ABCA5: variants seen among roughly 807,000 people sequenced by gnomAD.
ABCA5 encodes cholesterol transporter ABCA5.
In ABCA5, 163 loss-of-function variants were observed where a neutral mutation model predicts 206.0. That is an observed-to-expected ratio of 0.79 (90% CI 0.70 to 0.90). The LOEUF is 0.90. ABCA5 is among the 40% of genes least tolerant of loss of function. ABCA5 has a pLI of 0.00. For missense variants in ABCA5, 1,859 were observed against 1,912.9 expected (o/e 0.97, Z 0.53); for synonymous variants, 609 against 613.8 (o/e 0.99, Z 0.11).
At chr17:69,251,913 T>TAA (rs201178598) in intron 34 of ABCA5, 47 bp from the exon 35 acceptor site, 5 of 1,558,280 alleles carry the variant, frequency 3.2e-6, no homozygotes, top group South Asian at 1.2e-5. Context: ...ATCTGTTTGT[T>TAA]AAAAAAAAAT....
chr17:69,252,521 G>C (rs970225392), intron 34 of ABCA5, among the ~76,000 whole-genome samples: 2 of 152,014 alleles, frequency 1.3e-5, no homozygotes, highest in African/African-American at 4.8e-5. Context: ...ACATTTTATA[G>C]ACATGGAAGT....
chr17:69,247,759 G>T, intron 38 of ABCA5, 115 bp from the exon 39 acceptor site: 1 of 523,652 alleles, frequency 1.9e-6, no homozygotes. Flanking sequence ...CAAGTATCAA[G>T]AGATTTATTA....
intron 20 of ABCA5, among the ~76,000 whole-genome samples, chr17:69,273,753 G>A (rs560847451): frequency 3.4e-4 from 51 of 152,098 alleles, no homozygotes; most frequent in African/African-American, 1.1e-3. Context: ...ATCGCACCTG[G>A]CCAAAACTGT....
chr17:69,276,174 C>T (rs1161009313), intron 19 of ABCA5, among the ~76,000 whole-genome samples: 4 of 152,174 alleles, frequency 2.6e-5, no homozygotes, highest in Non-Finnish European at 4.4e-5. Flanking sequence ...GCAACCTCCG[C>T]TTCCCGAGTT....
At chr17:69,320,368 G>GA (rs918834275) in intron 1 of ABCA5, among the ~76,000 whole-genome samples, 10 of 151,962 alleles carry the variant, frequency 6.6e-5, no homozygotes, top group Non-Finnish European at 1.2e-4. Flanking sequence ...AGGACAGAGA[G>GA]AAAAAAATGA....
Position 69,301,156 on chromosome 17 carries a change from A to G in ABCA5, c.1250T>C (p.Leu417Pro). 1 of 1,559,330 alleles carries G rather than the reference A, an allele frequency of 6.4e-7. No homozygotes were observed. Among genetic ancestry groups the G allele is most frequent in the Non-Finnish European group, 8.6e-7 (1 of 1,161,944 alleles). Residue 417 changes from leucine (L) to proline (P), a missense_variant, in exon 9 of 39, where the codon CTT (leucine) becomes CCT (proline). Leu to Pro is a moderately conservative substitution (Grantham distance 98). Transcript: ENST00000392676. The stretch of plus-strand genomic sequence containing the variant: ...CTGCATACCTGGAATGACTTGATCA[A>G]GATAGACAGCCAAGAGGACATAGAA... The part of the protein sequence containing the change: ...SIFYVLLAVY[L>P]DQVIPGEFGL...
In ABCA5 at chr17:69,245,860, A is replaced by T. The variant is rs1225162698; in HGVS notation, c.*1677T>A. The T allele has an allele frequency of 1.3e-5, 2 of 152,012 alleles. No individual in the cohort carries two copies. Among genetic ancestry groups the T allele is most frequent in the Non-Finnish European group, 2.9e-5 (2 of 67,854 alleles). The allele number at this position is 152,012 out of a possible 1,614,324, so 9.4% of individuals were successfully genotyped here. On this transcript the variant is annotated 3_prime_UTR_variant, in exon 39 of 39. Transcript: ENST00000392676. ...TAGTCATGCTCTATCTTCAGATGAC[A>T]TAACTTTCTTAGGATGGTCAGGTTC...
At chr17:69,295,138 T>A (rs1006391882) in intron 10 of ABCA5, among the ~76,000 whole-genome samples, 6 of 152,194 alleles carry the variant, frequency 3.9e-5, no homozygotes, top group African/African-American at 1.2e-4. Flanking sequence ...ATTATTATAC[T>A]GTATTTATCA....
At chr17:69,260,280 A>C in intron 27 of ABCA5, 58 bp downstream of exon 27, 1 of 1,319,634 alleles carries the variant, frequency 7.6e-7, no homozygotes, top group Admixed American at 2.2e-5. Context: ...AGTTAAAACC[A>C]TAGGACCAAA....
intron 36 of ABCA5, 105 bp downstream of exon 36, chr17:69,250,367 A>G: frequency 5.7e-6 from 5 of 870,236 alleles, no homozygotes; most frequent in African/African-American, 1.7e-5. Flanking sequence ...ATATATATAT[A>G]TGGTCTATGA....
intron 18 of ABCA5, among the ~76,000 whole-genome samples, chr17:69,281,693 C>A (rs1049333594): frequency 2.0e-5 from 3 of 152,178 alleles, no homozygotes; most frequent in African/African-American, 7.2e-5. Context: ...GTTAGCAATG[C>A]TGACAAATTA....
rs567984600 is a variant in ABCA5, at chr17:69,323,794, A to G, written c.-16+3258T>C. Among the ~76,000 whole-genome samples, 22 of 152,296 alleles carry G rather than the reference A, an allele frequency of 1.4e-4. No individual in the cohort carries two copies. The Middle Eastern group carries it at 0.01, about 71-fold the overall frequency. ...GTCCTTAAAGATCAAGGATGTGCAA[A>G]CTATGATGAAAGAGGTGGGGGCTAA... On this transcript the variant is annotated intron_variant, in intron 1 of 38. Transcript: ENST00000392676.
chr17:69,275,909 A>G (rs2075326571), intron 19 of ABCA5, among the ~76,000 whole-genome samples: 1 of 152,170 alleles, frequency 6.6e-6, no homozygotes, highest in Middle Eastern at 3.2e-3. Context: ...TCATATGAGC[A>G]CACAGTGAGA....
chr17:69,248,561 C>T, intron 37 of ABCA5: 1 of 281,448 alleles, frequency 3.6e-6, no homozygotes, highest in Non-Finnish European at 6.8e-6. Context: ...AAGTTCTCCT[C>T]CATTATCTTT....
Position 69,247,552 on chromosome 17 carries a change from A to G in ABCA5, c.4914T>C (p.Asp1638=). 3 of 1,603,156 alleles carry G rather than the reference A, an allele frequency of 1.9e-6. No individual in the cohort carries two copies. Among genetic ancestry groups the G allele is most frequent in the Non-Finnish European group, 2.6e-6 (3 of 1,173,774 alleles). ...STLWWERTQE[D]RVVF ...CAATACAAATTCAAAATACTACTCT[A>G]TCTTCTTGTGTTCGTTCCCACCAAA... Residue 1638 remains aspartate, a synonymous_variant, in exon 39 of 39, where the codon GAT becomes GAC. Transcript: ENST00000392676.
chr17:69,291,911 G>A (rs538752594), intron 11 of ABCA5, among the ~76,000 whole-genome samples: 22 of 151,908 alleles, frequency 1.4e-4, no homozygotes, highest in Non-Finnish European at 2.9e-4. Flanking sequence ...CCAGGAGTTC[G>A]AGACTAGCCT....
intron 17 of ABCA5, chr17:69,285,380 G>A (rs1029778969): frequency 1.3e-5 from 2 of 152,058 alleles, no homozygotes; most frequent in African/African-American, 2.4e-5. Flanking sequence ...TCTGCACAAT[G>A]TACTTACATC....
At chr17:69,275,932 G>A (rs2075326807) in intron 19 of ABCA5, among the ~76,000 whole-genome samples, 2 of 152,288 alleles carry the variant, frequency 1.3e-5, no homozygotes, top group Admixed American at 1.3e-4. Context: ...GTGGCCTTCT[G>A]CAAGCCAGGA....
rs958861022 is a variant in ABCA5 at position 69,247,273 on chromosome 17, T to C, written c.*264A>G. On this transcript the variant is annotated 3_prime_UTR_variant, in exon 39 of 39. Coordinates refer to ENST00000392676, the MANE Select transcript of ABCA5 (RefSeq NM_172232.4). ...TTAAATCACAAATTCAGAAGCACTG[T>C]TTCTGAATGGTGAAAAAGATGACAT... 7.7e-6 allele frequency: 2 copies of C among 258,374 alleles called. No individual in the cohort carries two copies. Among genetic ancestry groups the C allele is most frequent in the East Asian group, 7.9e-5 (1 of 12,668 alleles). 16.0% of individuals were successfully genotyped at this position (258,374 alleles called of 1,614,324 possible). A position where few individuals can be genotyped will look rare whatever the true frequency, so the allele number is the denominator to read the frequency against.
Sources: gnomAD v4.1 joint callset for allele counts (sites outside exome capture counted in the v4.1 genomes callset) on GRCh38, gnomAD v4.1.1 for gene constraint, MANE v1.5 for transcripts, NCBI Gene and HGNC (gene_info 2026-07-23, HGNC 2026-07-21) for gene names.